TAF8: variants seen among roughly 807,000 people sequenced by gnomAD.
TAF8 encodes TATA-box binding protein associated factor 8, also known as transcription initiation factor TFIID subunit 8.
A neutral mutation model predicts 36.5 loss-of-function variants in TAF8; 47 were observed. The observed-to-expected ratio is 1.29, with a 90% CI of 1.02 to 1.64. The LOEUF is 1.64. Ranked by LOEUF, TAF8 falls within the 40% of genes most tolerant of loss-of-function variation. TAF8 has a pLI of 0.00. For missense variants in TAF8, 420 were observed against 407.6 expected, an observed-to-expected ratio of 1.03 and a Z score of -0.26; for synonymous variants, 175 against 159.5, an observed-to-expected ratio of 1.10 and a Z score of -0.73.
At chr6:42,056,098 T>C in intron 4 of TAF8, 84 bp downstream of exon 4, 1 of 902,218 alleles carries the variant, frequency 1.1e-6, no homozygotes, top group East Asian at 2.4e-5. Context: ...AGGGATTGGA[T>C]TAGTAGCTAC....
At chr6:42,086,510 T>A (rs1766030315), downstream of TAF8, among the ~76,000 whole-genome samples, 1 of 152,190 alleles carries the variant, frequency 6.6e-6, no homozygotes, top group Non-Finnish European at 1.5e-5. Context: ...GGGATTGTCC[T>A]CCAGGGGTGC....
chr6:42,056,134 T>C, intron 4 of TAF8, 120 bp downstream of exon 4: 3 of 696,028 alleles, frequency 4.3e-6, no homozygotes, highest in Non-Finnish European at 7.8e-6. Context: ...TCTCTTCCAA[T>C]GTTTGGGGCT....
At chr6:42,068,048 T>C (rs191928838) in intron 6 of TAF8, among the ~76,000 whole-genome samples, 8 of 152,328 alleles carry the variant, frequency 5.3e-5, no homozygotes, top group Admixed American at 4.6e-4. Context: ...ATTCCTGCTC[T>C]GGAAGTGAAG....
chr6:42,050,825 C>T (rs1337490338), intron 1 of TAF8: 8 of 967,464 alleles, frequency 8.3e-6, no homozygotes, highest in Non-Finnish European at 1.1e-5. Flanking sequence ...CGGAACACCC[C>T]CGATTGGTCT....
At chr6:42,072,010 G>C (rs1220852569) in intron 7 of TAF8, among the ~76,000 whole-genome samples, 1 of 152,208 alleles carries the variant, frequency 6.6e-6, no homozygotes, top group Non-Finnish European at 1.5e-5. Flanking sequence ...CTTAGAGTCA[G>C]ACTTGCCTAG....
chr6:42,079,741 A>G lies in TAF8; in HGVS notation c.*2196A>G, dbSNP rs114733417. 0.017 allele frequency: 9,632 copies of G among 558,700 alleles called. 840 individuals are homozygous for G. The African/African-American group carries it at 0.18, about 11-fold the overall frequency. 34.6% of individuals were successfully genotyped at this position (558,700 alleles called of 1,614,324 possible). On this transcript the variant is annotated 3_prime_UTR_variant, in exon 9 of 9. Coordinates refer to ENST00000372977, the MANE Select transcript of TAF8 (RefSeq NM_138572.3). ...TTTTTTTTTTTTTTTTTTAGTAGAC[A>G]CGGGATTTTGCTATGTTGCCCAGGC...
At position 42,050,548 on chromosome 6, in the gene TAF8, G is replaced by A. The variant is rs1178107080; in HGVS notation, c.7G>A (p.Asp3Asn). The change falls in exon 1 of 9, where the codon GAC (aspartate) becomes AAC (asparagine). Residue 3 changes from aspartate (D) to asparagine (N), a missense_variant. Physicochemically the swap from Asp to Asn is conservative, Grantham distance 23. Coordinates refer to ENST00000372977, the MANE Select transcript of TAF8 (RefSeq NM_138572.3). The stretch of plus-strand genomic sequence containing the variant: ...CACACTACGCCAGAACAAGATGGCC[G>A]ACGCGGCGGCCACAGCTGGGGCCGG... MA[D>N]AAATAGAGGS... The A allele has an allele frequency of 6.6e-7, 1 of 1,512,438 alleles. No homozygotes were observed. The allele number at this position is 1,512,438 out of a possible 1,614,324, so 93.7% of individuals were successfully genotyped here.
chr6:42,079,201 A>C lies in TAF8; in HGVS notation c.*1656A>C. On this transcript the variant is annotated 3_prime_UTR_variant, in exon 9 of 9. Coordinates refer to ENST00000372977, the MANE Select transcript of TAF8 (RefSeq NM_138572.3). ...GGTGGGGTGTTGAGGGCTGGGCCTC[A>C]TCTTGTATTCTGAAAGCTGAGAAAC... is the stretch of plus-strand genomic sequence containing the variant. 1 of 985,598 alleles carries C rather than the reference A, an allele frequency of 1.0e-6. No individual in the cohort carries two copies. The highest frequency in any genetic ancestry group is 6.1e-5 in the Admixed American group (1 of 16,270). 61.1% of individuals were successfully genotyped at this position (985,598 alleles called of 1,614,324 possible).
At chr6:42,061,373 T>C (rs1276436572) in intron 5 of TAF8, among the ~76,000 whole-genome samples, 3 of 152,192 alleles carry the variant, frequency 2.0e-5, no homozygotes, top group African/African-American at 7.2e-5. Context: ...CACTCTTCTA[T>C]TTGAAAGTTT....
At chr6:42,070,053 C>T (rs189489686) in intron 7 of TAF8, among the ~76,000 whole-genome samples, 1 of 152,130 alleles carries the variant, frequency 6.6e-6, no homozygotes, top group Admixed American at 6.5e-5. Flanking sequence ...TGATGAGAGC[C>T]ATTTCAGTAA....
Position 42,080,934 on chromosome 6 carries a change from G to C in TAF8, c.*3389G>C. On this transcript the variant is annotated 3_prime_UTR_variant, in exon 9 of 9. Transcript: ENST00000372977. The stretch of plus-strand genomic sequence containing the variant: ...ACTGTAAGCTTTGAACTTAATTTGT[G>C]TTCAAAAGTTAACAGCAATGTGGAC... The C allele has an allele frequency of 1.0e-6, 1 of 985,222 alleles. No individual in the cohort carries two copies. The highest frequency in any genetic ancestry group is 1.2e-6 in the Non-Finnish European group (1 of 829,782). The allele number at this position is 985,222 out of a possible 1,614,324, so 61.0% of individuals were successfully genotyped here.
downstream of TAF8, chr6:42,086,885 C>G (rs1766037595): frequency 3.3e-6 from 3 of 899,050 alleles, no homozygotes; most frequent in Admixed American, 2.1e-5. Flanking sequence ...TGCTACCCCA[C>G]AAGCTTGTCA....
At chr6:42,050,711 T>C (rs906540365) in intron 1 of TAF8, 125 bp downstream of exon 1, 4 of 1,244,652 alleles carry the variant, frequency 3.2e-6, no homozygotes, top group South Asian at 3.1e-5. Context: ...TGGCGGAGGG[T>C]GTTTTCAGGC....
At chr6:42,055,898 C>A in intron 3 of TAF8, 54 bp from the exon 4 acceptor site, 1 of 1,184,334 alleles carries the variant, frequency 8.4e-7, no homozygotes, top group South Asian at 1.2e-5. Flanking sequence ...ACTATTCTTT[C>A]TGTATTCAAT....
At chr6:42,077,043 C>T in intron 7 of TAF8, 57 bp from the exon 8 acceptor site, 2 of 1,547,508 alleles carry the variant, frequency 1.3e-6, no homozygotes, top group South Asian at 2.4e-5. Flanking sequence ...CAATTATAGG[C>T]ATGATCTCTT....
Position 42,068,577 on chromosome 6 carries a change from C to T in TAF8, c.750C>T (p.Asp250=). 6.2e-7 allele frequency: 1 copy of T among 1,613,820 alleles called. No individual in the cohort carries two copies. Among genetic ancestry groups the T allele is most frequent in the Non-Finnish European group, 8.5e-7 (1 of 1,180,030 alleles). The change falls in exon 7 of 9, where the codon GAC becomes GAT. Residue 250 remains aspartate (D), a synonymous_variant. Coordinates refer to ENST00000372977, the MANE Select transcript of TAF8 (RefSeq NM_138572.3). ...TDSSEQDEQT[D]TENLALHISM... ...CCTCGGAGCAGGATGAACAGACAGA[C>T]ACAGAGAACCTTGCTCTTCATATCA... is the stretch of plus-strand genomic sequence containing the variant.
Position 42,079,241 on chromosome 6 carries a change from A to G in TAF8, c.*1696A>G, listed in dbSNP as rs924827262. ...AGCTGAGAAACGGCTGGTCAGCTGG[A>G]AGGCTGGTGGATGGGCAGGAGTGAG... On this transcript the variant is annotated 3_prime_UTR_variant, in exon 9 of 9. Transcript: ENST00000372977. 1.0e-6 allele frequency: 1 copy of G among 985,468 alleles called. No homozygotes were observed. The highest frequency in any genetic ancestry group is 1.7e-5 in the African/African-American group (1 of 57,236). The allele number at this position is 985,468 out of a possible 1,614,324, so 61.0% of individuals were successfully genotyped here. A position where few individuals can be genotyped will look rare whatever the true frequency, so the allele number is the denominator to read the frequency against.
At chr6:42,064,553 C>A (rs979449429) in intron 5 of TAF8, among the ~76,000 whole-genome samples, 1 of 152,054 alleles carries the variant, frequency 6.6e-6, no homozygotes, top group African/African-American at 2.4e-5. Context: ...CCACACCCAG[C>A]CTTTTGGGAA....
chr6:42,080,146 T>A lies in TAF8; in HGVS notation c.*2601T>A, dbSNP rs1377777513. ...CAGTTCTTAGCGATTCTTGGCCTGA[T>A]AAGTTTATGAACACAGCCCCACATT... On this transcript the variant is annotated 3_prime_UTR_variant, in exon 9 of 9. Transcript: ENST00000372977. The A allele has an allele frequency of 1.0e-6, 1 of 985,256 alleles. No homozygotes were observed. The highest frequency in any genetic ancestry group is 1.7e-5 in the African/African-American group (1 of 57,226). 61.0% of individuals were successfully genotyped at this position (985,256 alleles called of 1,614,324 possible).
Sources: allele counts gnomAD v4.1 joint callset (sites outside exome capture counted in the v4.1 genomes callset), GRCh38; gene constraint gnomAD v4.1.1; transcripts MANE v1.5; gene names NCBI Gene and HGNC (gene_info 2026-07-23, HGNC 2026-07-21).